The following PDE4D variants were observed in gnomAD, a reference collection of about 807,000 sequenced individuals.
PDE4D encodes 3',5'-cyclic-AMP phosphodiesterase 4D.
PDE4D carries 24 observed loss-of-function variants against 87.4 expected under a neutral mutation model. The ratio of observed to expected loss-of-function variants is 0.27; its 90% confidence interval spans 0.20 to 0.39. The LOEUF (loss-of-function observed/expected upper bound fraction) is 0.39, where lower values mean the gene tolerates loss of function less well. Ranked by LOEUF, PDE4D falls within the 10% of genes least tolerant of loss-of-function variation. The pLI is 1.00. For synonymous variants in PDE4D, 384 were observed against 383.2 expected, an observed-to-expected ratio of 1.00 and a Z score of -0.02; for missense variants, 714 against 1,041.0, an observed-to-expected ratio of 0.69 and a Z score of 4.32.
At chr5:60,013,749 A>T (rs192752279) in intron 2 of PDE4D, among the ~76,000 whole-genome samples, 1 of 152,260 alleles carries the variant, frequency 6.6e-6, no homozygotes, top group African/African-American at 2.4e-5. Context: ...GCCTTGCCAT[A>T]TGACTTACTT....
At position 60,277,780 on chromosome 5, in the gene PDE4D, T is replaced by G. The variant is rs1583287101; in HGVS notation, c.-89-92093A>C. ...GCTGCTCTAGGTATTACATCATATT[T>G]GTTTAATGTATCAAAGTCTATTGGT... On this transcript the variant is annotated intron_variant, in intron 1 of 16. Transcript: ENST00000502484. 2.6e-5 allele frequency among the ~76,000 whole-genome samples: 4 copies of G among 152,316 alleles called. No homozygotes were observed. The East Asian group carries it at 7.7e-4, about 29-fold the overall frequency.
intron 1 of PDE4D, among the ~76,000 whole-genome samples, chr5:60,352,461 C>T (rs898045429): frequency 1.3e-5 from 2 of 152,196 alleles, no homozygotes; most frequent in African/African-American, 4.8e-5. Flanking sequence ...AGACCAAGAG[C>T]GAAAGCTGAG....
chr5:59,461,222 T>G (rs1322428544), intron 1 of PDE4D, among the ~76,000 whole-genome samples: 1 of 152,130 alleles, frequency 6.6e-6, no homozygotes, highest in African/African-American at 2.4e-5. Flanking sequence ...TAAATTACCA[T>G]TTTAGTAAAA....
intron 2 of PDE4D, among the ~76,000 whole-genome samples, chr5:60,055,491 T>C (rs1220422799): frequency 6.6e-6 from 1 of 152,136 alleles, no homozygotes; most frequent in African/African-American, 2.4e-5. Flanking sequence ...GGCTAAACTA[T>C]ACCAATAGCT....
chr5:60,442,340 A>G (rs373185675), intron 1 of PDE4D, among the ~76,000 whole-genome samples: 3 of 152,038 alleles, frequency 2.0e-5, no homozygotes, highest in African/African-American at 7.2e-5. Context: ...TAACATAAGA[A>G]CAGAAAACCA....
intron 1 of PDE4D, among the ~76,000 whole-genome samples, chr5:59,561,320 G>A (rs767310299): frequency 3.3e-4 from 50 of 152,146 alleles, no homozygotes; most frequent in Non-Finnish European, 5.6e-4. Context: ...ACTAGTACAC[G>A]TATTCAAGTA....
At chr5:59,239,330 C>G (rs920202023) in intron 1 of PDE4D, among the ~76,000 whole-genome samples, 23 of 152,230 alleles carry the variant, frequency 1.5e-4, no homozygotes, top group African/African-American at 5.3e-4. Flanking sequence ...CTGTGAAATT[C>G]TCCTCAACCC....
chr5:59,049,900 C>T (rs768147255), intron 5 of PDE4D, among the ~76,000 whole-genome samples: 7 of 152,172 alleles, frequency 4.6e-5, no homozygotes, highest in Non-Finnish European at 8.8e-5. Flanking sequence ...ATATCTCTCT[C>T]ACTATGAGAT....
At chr5:59,905,677 T>C (rs1458471054) in intron 3 of PDE4D, among the ~76,000 whole-genome samples, 1 of 152,098 alleles carries the variant, frequency 6.6e-6, no homozygotes, top group African/African-American at 2.4e-5. Flanking sequence ...ATAATAGATG[T>C]AAAATGCTCA....
At chr5:59,323,996 T>C (rs773384806) in intron 1 of PDE4D, among the ~76,000 whole-genome samples, 9 of 152,090 alleles carry the variant, frequency 5.9e-5, no homozygotes, top group Non-Finnish European at 1.3e-4. Context: ...TCCCCAAACC[T>C]ACCACATTTT....
At chr5:59,572,398 T>C (rs1036080247) in intron 1 of PDE4D, among the ~76,000 whole-genome samples, 3 of 148,724 alleles carry the variant, frequency 2.0e-5, no homozygotes, top group Admixed American at 6.6e-5. Flanking sequence ...CTATCTATTT[T>C]ATTATACTTT....
At chr5:60,094,462 T>C (rs1456057040) in intron 2 of PDE4D, among the ~76,000 whole-genome samples, 4 of 152,252 alleles carry the variant, frequency 2.6e-5, no homozygotes, top group African/African-American at 4.8e-5. Flanking sequence ...AGAATTCATA[T>C]ATTGAAATCC....
chr5:58,989,695 G>T, intron 10 of PDE4D, 60 bp downstream of exon 10: 1 of 1,089,384 alleles, frequency 9.2e-7, no homozygotes, highest in Non-Finnish European at 1.3e-6. Flanking sequence ...TCAGATAAAA[G>T]TTTAATAGAC....
At chr5:60,141,923 C>A (rs1378156888) in intron 2 of PDE4D, among the ~76,000 whole-genome samples, 1 of 151,994 alleles carries the variant, frequency 6.6e-6, no homozygotes, top group African/African-American at 2.4e-5. Context: ...AGTTTTTAAC[C>A]TAAAAATATA....
intron 1 of PDE4D, among the ~76,000 whole-genome samples, chr5:59,482,587 C>T (rs1394928604): frequency 2.0e-5 from 3 of 152,082 alleles, no homozygotes; most frequent in African/African-American, 7.2e-5. Flanking sequence ...AAAGGTGATT[C>T]GCCCTTGTTG....
At chr5:60,428,249 T>C (rs1743887879) in intron 1 of PDE4D, among the ~76,000 whole-genome samples, 1 of 151,892 alleles carries the variant, frequency 6.6e-6, no homozygotes, top group Non-Finnish European at 1.5e-5. Flanking sequence ...TCAAGAAAAT[T>C]AAATTAAAAA....
intron 1 of PDE4D, among the ~76,000 whole-genome samples, chr5:59,303,108 G>C (rs1381634931): frequency 6.6e-6 from 1 of 152,086 alleles, no homozygotes; most frequent in African/African-American, 2.4e-5. Context: ...ATCACATTTT[G>C]TGTTTTTGAT....
chr5:60,045,711 C>T (rs1415580960), intron 2 of PDE4D, among the ~76,000 whole-genome samples: 1 of 152,150 alleles, frequency 6.6e-6, no homozygotes, highest in Admixed American at 6.5e-5. Flanking sequence ...TGTTCTGTTC[C>T]ATTGATCTAT....
chr5:59,883,404 C>G (rs1362131447), intron 1 of PDE4D, among the ~76,000 whole-genome samples: 1 of 152,104 alleles, frequency 6.6e-6, no homozygotes, highest in South Asian at 2.1e-4. Context: ...TAATGGTGCA[C>G]ACTTAGTGTT....
Sources: allele counts gnomAD v4.1 joint callset (sites outside exome capture counted in the v4.1 genomes callset), GRCh38; gene constraint gnomAD v4.1.1; transcripts MANE v1.5; gene names NCBI Gene and HGNC (gene_info 2026-07-23, HGNC 2026-07-21).